The following CCSER1 variants were observed in gnomAD, a reference collection of about 807,000 sequenced individuals.
The protein encoded by CCSER1 is serine-rich coiled-coil domain-containing protein 1.
Under a neutral mutation model 82.0 loss-of-function variants are expected in CCSER1, and 41 were observed. The ratio of observed to expected loss-of-function variants is 0.50; its 90% CI spans 0.39 to 0.65. CCSER1 has a LOEUF of 0.65. Among genes scored for constraint, CCSER1 ranks in the 30% least tolerant of loss-of-function variants. The pLI, the probability that CCSER1 is intolerant of heterozygous loss-of-function variation, is 0.00. For synonymous variants in CCSER1, 414 were observed against 383.9 expected, an observed-to-expected ratio of 1.08 and a Z score of -0.92; for missense variants, 1,119 against 1,064.2, an observed-to-expected ratio of 1.05 and a Z score of -0.72.
At chr4:91,517,449 T>C (rs894791369) in intron 10 of CCSER1, among the ~76,000 whole-genome samples, 9 of 152,202 alleles carry the variant, frequency 5.9e-5, no homozygotes, top group Non-Finnish European at 1.2e-4. Context: ...ATTTAGATAA[T>C]CATGTGTATT....
chr4:90,371,101 A>T (rs1747323940), intron 3 of CCSER1, among the ~76,000 whole-genome samples: 1 of 150,072 alleles, frequency 6.7e-6, no homozygotes, highest in Non-Finnish European at 1.5e-5. Flanking sequence ...TTTTAATCTG[A>T]TTTTCTTGCA....
intron 6 of CCSER1, among the ~76,000 whole-genome samples, chr4:90,690,668 A>T (rs1735654514): frequency 6.6e-6 from 1 of 151,964 alleles, no homozygotes; most frequent in Non-Finnish European, 1.5e-5. Context: ...TTCTTTCCTC[A>T]TGCATAAGTG....
At chr4:91,157,339 A>AAAGTAACAAG (rs1730913827) in intron 10 of CCSER1, among the ~76,000 whole-genome samples, 1 of 152,032 alleles carries the variant, frequency 6.6e-6, no homozygotes, top group Non-Finnish European at 1.5e-5. Context: ...CATAGGAGGA[A>AAAGTAACAAG]AAGTAACAAG....
rs72880860 is a variant in CCSER1, at chr4:91,406,765, A to G, written c.2218-191807A>G. Among the ~76,000 whole-genome samples, 1,148 of 152,322 alleles carry G rather than the reference A, an allele frequency of 7.5e-3. 17 individuals carry two copies. The highest frequency in any genetic ancestry group is 0.026 in the African/African-American group (1,088 of 41,590). On this transcript the variant is annotated intron_variant, in intron 10 of 10. Transcript: ENST00000509176. ...ATAAATAAAATATTCTGCTTTTATT[A>G]TATTGTTATCCATGTTTAATGAATT... is the stretch of plus-strand genomic sequence containing the variant.
chr4:90,744,172 T>C (rs1720939564), intron 7 of CCSER1, among the ~76,000 whole-genome samples: 3 of 152,130 alleles, frequency 2.0e-5, no homozygotes, highest in Non-Finnish European at 2.9e-5. Context: ...TATTGGGAGT[T>C]GAGGAGAGAC....
At chr4:91,357,324 T>C (rs1357913442) in intron 10 of CCSER1, among the ~76,000 whole-genome samples, 1 of 152,240 alleles carries the variant, frequency 6.6e-6, no homozygotes, top group African/African-American at 2.4e-5. Flanking sequence ...CAATTTTTCA[T>C]GTTTGACCAT....
intron 10 of CCSER1, among the ~76,000 whole-genome samples, chr4:91,411,312 G>C (rs891368525): frequency 1.7e-4 from 26 of 151,090 alleles, no homozygotes; most frequent in African/African-American, 6.3e-4. Context: ...CTCATAGATA[G>C]AATTTTTGAT....
At position 91,072,253 on chromosome 4, in the gene CCSER1, A is replaced by G. The variant is rs564593292; in HGVS notation, c.2173-13697A>G. Among the ~76,000 whole-genome samples the G allele has an allele frequency of 3.3e-5, 5 of 152,320 alleles. No individual in the cohort carries two copies. The East Asian group carries it at 9.6e-4, about 29-fold the overall frequency. On this transcript the variant is annotated intron_variant, in intron 9 of 10. Transcript: ENST00000509176. ...GCAACAATAATCACAGACACACTCT[A>G]TGAAATGTTATTTGTGCCCATACAG... is the stretch of plus-strand genomic sequence containing the variant.
intron 9 of CCSER1, among the ~76,000 whole-genome samples, chr4:91,046,858 C>T (rs1742544616): frequency 6.6e-6 from 1 of 151,996 alleles, no homozygotes; most frequent in Non-Finnish European, 1.5e-5. Flanking sequence ...GCTGGGACTA[C>T]AGATGTAAAC....
intron 10 of CCSER1, among the ~76,000 whole-genome samples, chr4:91,502,649 A>C (rs1223026356): frequency 6.6e-6 from 1 of 152,218 alleles, no homozygotes; most frequent in Non-Finnish European, 1.5e-5. Flanking sequence ...AGCCATCCTT[A>C]ATTATTGCCA....
chr4:90,518,166 A>C (rs1039566384), intron 5 of CCSER1, among the ~76,000 whole-genome samples: 2 of 152,124 alleles, frequency 1.3e-5, no homozygotes, highest in Non-Finnish European at 2.9e-5. Context: ...CATGTAACTA[A>C]AACAAATTTT....
chr4:90,409,126 T>C (rs10029050), intron 4 of CCSER1, among the ~76,000 whole-genome samples: 10,652 of 152,190 alleles, frequency 0.07, 520 homozygotes, highest in African/African-American at 0.14. Flanking sequence ...AATATGGGAC[T>C]ATGTGAAAAG....
At chr4:91,217,738 A>ACATAAAGG (rs1288994707) in intron 10 of CCSER1, among the ~76,000 whole-genome samples, 1 of 151,990 alleles carries the variant, frequency 6.6e-6, no homozygotes, top group African/African-American at 2.4e-5. Context: ...CCTGAGCTAG[A>ACATAAAGG]CATAAAGGTT....
At chr4:91,078,086 G>C (rs1462199260) in intron 9 of CCSER1, among the ~76,000 whole-genome samples, 1 of 152,228 alleles carries the variant, frequency 6.6e-6, no homozygotes, top group African/African-American at 2.4e-5. Context: ...CGGCTTTGAA[G>C]AGAATAGTGG....
intron 1 of CCSER1, among the ~76,000 whole-genome samples, chr4:90,210,147 CTT>C (rs1353972586): frequency 6.6e-6 from 1 of 152,042 alleles, no homozygotes; most frequent in African/African-American, 2.4e-5. Flanking sequence ...GGTAAAAGGT[CTT>C]TTGTTAAAAA....
At chr4:91,165,868 C>A (rs954116381) in intron 10 of CCSER1, among the ~76,000 whole-genome samples, 5 of 152,198 alleles carry the variant, frequency 3.3e-5, no homozygotes, top group African/African-American at 1.2e-4. Flanking sequence ...AGGGAAATCC[C>A]CCAACCCATT....
chr4:90,472,540 G>A (rs1201086104), intron 5 of CCSER1, among the ~76,000 whole-genome samples: 1 of 152,146 alleles, frequency 6.6e-6, no homozygotes, highest in Non-Finnish European at 1.5e-5. Context: ...AAGCTACATT[G>A]CTCATTACAG....
chr4:91,588,707 C>T (rs1457313792), intron 10 of CCSER1, among the ~76,000 whole-genome samples: 1 of 151,712 alleles, frequency 6.6e-6, no homozygotes, highest in Non-Finnish European at 1.5e-5. Flanking sequence ...ACCAAACCAT[C>T]GTGCAGAAAA....
At chr4:90,917,267 A>C (rs964361253) in intron 8 of CCSER1, among the ~76,000 whole-genome samples, 1 of 152,244 alleles carries the variant, frequency 6.6e-6, no homozygotes, top group African/African-American at 2.4e-5. Flanking sequence ...AACCAAGCCA[A>C]ATGTCCAACA....
Sources: allele counts gnomAD v4.1 joint callset (sites outside exome capture counted in the v4.1 genomes callset), GRCh38; gene constraint gnomAD v4.1.1; transcripts MANE v1.5; gene names NCBI Gene and HGNC (gene_info 2026-07-23, HGNC 2026-07-21).